The following NCOA7 variants were observed in gnomAD, a reference collection of about 807,000 sequenced individuals.
The protein encoded by NCOA7 is 140 kDa estrogen receptor-associated protein.
A neutral mutation model predicts 104.3 loss-of-function variants in NCOA7; 45 were observed. That is an observed-to-expected ratio of 0.43 (90% confidence interval 0.34 to 0.55). The LOEUF (loss-of-function observed/expected upper bound fraction) is 0.55. Among genes scored for constraint, NCOA7 ranks in the 20% least tolerant of loss-of-function variants. NCOA7 has a pLI of 0.02. For synonymous variants in NCOA7, 398 were observed against 402.3 expected, an observed-to-expected ratio of 0.99 and a Z score of 0.13; for missense variants, 1,041 against 1,119.7, an observed-to-expected ratio of 0.93 and a Z score of 1.00.
chr6:125,917,217 C>T (rs1469392746), intron 11 of NCOA7, among the ~76,000 whole-genome samples: 1 of 147,020 alleles, frequency 6.8e-6, no homozygotes, highest in Non-Finnish European at 1.5e-5. Context: ...TTTTTCAAAG[C>T]TCCCAGATGA....
intron 11 of NCOA7, among the ~76,000 whole-genome samples, chr6:125,916,306 G>A (rs1486297455): frequency 6.6e-6 from 1 of 152,208 alleles, no homozygotes; most frequent in African/African-American, 2.4e-5. Flanking sequence ...GGAACTGTGA[G>A]CCAATTAAAC....
At chr6:125,927,162 T>C (rs1562195513) in intron 13 of NCOA7, among the ~76,000 whole-genome samples, 1 of 152,216 alleles carries the variant, frequency 6.6e-6, no homozygotes, top group Non-Finnish European at 1.5e-5. Context: ...AATAAGCATA[T>C]TAATAACTCA....
At chr6:125,819,752 A>T (rs1015524600) in intron 2 of NCOA7, among the ~76,000 whole-genome samples, 1 of 152,038 alleles carries the variant, frequency 6.6e-6, no homozygotes, top group Non-Finnish European at 1.5e-5. Context: ...TTCCCCTTGT[A>T]GTTAGAATGC....
rs144489501 is a variant in NCOA7 at position 125,903,849 on chromosome 6, G to A, written c.2097-11484G>A. Among the ~76,000 whole-genome samples, 496 of 152,002 alleles carry A rather than the reference G, an allele frequency of 3.3e-3. 1 individual carries two copies. Among genetic ancestry groups the A allele is most frequent in the African/African-American group, 0.011 (471 of 41,456 alleles). On this transcript the variant is annotated intron_variant, in intron 10 of 15. Coordinates refer to ENST00000392477, the MANE Select transcript of NCOA7 (RefSeq NM_181782.5). ...GCCTCCCAAGTAGCTGGGATTACAGGTGTGTGCCATCATGCCCAACTAATT... is the reference window on the plus strand; with the variant it reads ...GCCTCCCAAGTAGCTGGGATTACAGATGTGTGCCATCATGCCCAACTAATT...
chr6:125,821,214 A>T (rs1446329444), intron 2 of NCOA7, among the ~76,000 whole-genome samples: 2 of 152,182 alleles, frequency 1.3e-5, no homozygotes, highest in African/African-American at 4.8e-5. Flanking sequence ...GATATGAAAA[A>T]GGCTTTTGTA....
chr6:125,815,989 A>G (rs74616788), intron 2 of NCOA7, among the ~76,000 whole-genome samples: 3 of 152,240 alleles, frequency 2.0e-5, no homozygotes, highest in Non-Finnish European at 2.9e-5. Flanking sequence ...CACTCACTAA[A>G]CATAATAAAA....
intron 1 of NCOA7, among the ~76,000 whole-genome samples, chr6:125,808,109 C>G (rs753998005): frequency 6.6e-6 from 1 of 152,194 alleles, no homozygotes; most frequent in Non-Finnish European, 1.5e-5. Flanking sequence ...AATGTCCTCT[C>G]GTCTACCAGC....
At chr6:125,817,304 A>G (rs1033445094) in intron 2 of NCOA7, among the ~76,000 whole-genome samples, 1 of 152,246 alleles carries the variant, frequency 6.6e-6, no homozygotes, top group East Asian at 1.9e-4. Context: ...TTGCTGGGTC[A>G]AAAGATAAGT....
intron 2 of NCOA7, among the ~76,000 whole-genome samples, chr6:125,843,195 A>G (rs1780315941): frequency 6.6e-6 from 1 of 152,182 alleles, no homozygotes; most frequent in Admixed American, 6.5e-5. Context: ...CTAAGTGTCC[A>G]TATAAGAGGG....
At chr6:125,793,917 A>AT (rs1460599593) in intron 1 of NCOA7, among the ~76,000 whole-genome samples, 1 of 152,126 alleles carries the variant, frequency 6.6e-6, no homozygotes, top group African/African-American at 2.4e-5. Context: ...GAGAATATGA[A>AT]TTTTCTGTTG....
intron 15 of NCOA7, 24 bp from the exon 16 acceptor site, chr6:125,928,609 CTTT>C (rs76258285): frequency 3.6e-4 from 535 of 1,466,392 alleles, no homozygotes; most frequent in South Asian, 1.0e-3. Context: ...GTGTTTTTAC[CTTT>C]TTTTTTTTTT....
intron 1 of NCOA7, among the ~76,000 whole-genome samples, chr6:125,801,953 T>C (rs1176237862): frequency 6.6e-6 from 1 of 152,196 alleles, no homozygotes; most frequent in African/African-American, 2.4e-5. Context: ...AACCATTACG[T>C]ATAGATATAC....
intron 1 of NCOA7, among the ~76,000 whole-genome samples, chr6:125,799,570 G>C (rs1339436872): frequency 6.6e-6 from 1 of 151,750 alleles, no homozygotes; most frequent in Non-Finnish European, 1.5e-5. Context: ...CTTTGGAATA[G>C]CTGGGACTAT....
At chr6:125,793,551 C>G (rs1372765878) in intron 1 of NCOA7, among the ~76,000 whole-genome samples, 1 of 152,180 alleles carries the variant, frequency 6.6e-6, no homozygotes, top group Non-Finnish European at 1.5e-5. Context: ...GGTCCTACCT[C>G]CTGATCCCCC....
intron 1 of NCOA7, chr6:125,810,482 T>G (rs184629723): frequency 9.8e-5 from 15 of 152,338 alleles, no homozygotes; most frequent in African/African-American, 3.6e-4. Flanking sequence ...AAATTCTTTT[T>G]GGTCTGCAAT....
chr6:125,895,757 G>A (rs375644793), intron 10 of NCOA7, among the ~76,000 whole-genome samples: 39 of 151,896 alleles, frequency 2.6e-4, no homozygotes, highest in East Asian at 3.9e-4. Flanking sequence ...GAGAGTGGGC[G>A]GAGTTGCTAC....
chr6:125,784,269 TGGACACCAA>T (rs1250008626), intron 1 of NCOA7, among the ~76,000 whole-genome samples: 1 of 152,224 alleles, frequency 6.6e-6, no homozygotes, highest in Non-Finnish European at 1.5e-5. Flanking sequence ...GGTACTATGT[TGGACACCAA>T]GGACACCACA....
chr6:125,815,838 G>A (rs1449599355), intron 2 of NCOA7, among the ~76,000 whole-genome samples: 1 of 152,198 alleles, frequency 6.6e-6, no homozygotes, highest in African/African-American at 2.4e-5. Flanking sequence ...GTAGGTAGGT[G>A]AAATGGGTGA....
At chr6:125,829,774 A>G (rs925627559) in intron 2 of NCOA7, among the ~76,000 whole-genome samples, 4 of 151,854 alleles carry the variant, frequency 2.6e-5, no homozygotes, top group Non-Finnish European at 5.9e-5. Context: ...AGCACCAGGT[A>G]ATATAGTAAT....
Sources: gnomAD v4.1 joint callset for allele counts (sites outside exome capture counted in the v4.1 genomes callset) on GRCh38, gnomAD v4.1.1 for gene constraint, MANE v1.5 for transcripts, NCBI Gene and HGNC (gene_info 2026-07-23, HGNC 2026-07-21) for gene names.